Variants in A4GALT observed in about 807,000 individuals in gnomAD.
The protein encoded by A4GALT is lactosylceramide 4-alpha-galactosyltransferase.
For synonymous variants in A4GALT, 257 were observed against 220.7 expected, an observed-to-expected ratio of 1.16 and a Z score of -1.46; for missense variants, 512 against 486.0, an observed-to-expected ratio of 1.05 and a Z score of -0.50.
In A4GALT at chr22:42,692,979, G is replaced by A. The variant is rs767523802; in HGVS notation, c.973C>T (p.Arg325Trp). The A allele has an allele frequency of 1.2e-5, 20 of 1,613,210 alleles. No homozygotes were observed. Among genetic ancestry groups the A allele is most frequent in the Admixed American group, 3.3e-5 (2 of 60,016 alleles). Residue 325 changes from arginine (R) to tryptophan (W), a missense_variant, in exon 3 of 3, where the codon CGG becomes TGG. Transcript: ENST00000642412. This position sits in a 1 kb window ranked among gnomAD's most constrained non-coding sequence, Gnocchi z 4.6. ...HVWNKKSQGT[R>W]FEATSRALLA... ...AGTGCCCTGGACGTGGCCTCGAACC[G>A]CGTGCCCTGGCTCTTCTTGTTCCAC...
chr22:42,718,950 C>G (rs1191930553), intron 1 of A4GALT, among the ~76,000 whole-genome samples: 1 of 152,214 alleles, frequency 6.6e-6, no homozygotes, highest in Non-Finnish European at 1.5e-5. Context: ...CCGGGACCTG[C>G]ATCCCCAGCT....
rs765857980 is a variant in A4GALT at position 42,692,784 on chromosome 22, G to C, written c.*106C>G. 9 of 1,365,112 alleles carry C rather than the reference G, an allele frequency of 6.6e-6. No individual in the cohort carries two copies. The South Asian group carries it at 1.1e-4, about 17-fold the overall frequency. The allele number at this position is 1,365,112 out of a possible 1,614,324, so 84.6% of individuals were successfully genotyped here. On this transcript the variant is annotated 3_prime_UTR_variant, in exon 3 of 3. Coordinates refer to ENST00000642412, the MANE Select transcript of A4GALT (RefSeq NM_017436.7). This position sits in a 1 kb window ranked among gnomAD's most constrained non-coding sequence, Gnocchi z 4.6. The stretch of plus-strand genomic sequence containing the variant: ...CTCCTCAACAGCCTGCCTAAGCCCG[G>C]TGGCAGCTCGGGCCTCCCTCTCCCG...
At chr22:42,714,891 G>GA (rs1922031008) in intron 1 of A4GALT, among the ~76,000 whole-genome samples, 1 of 152,156 alleles carries the variant, frequency 6.6e-6, no homozygotes, top group Non-Finnish European at 1.5e-5. Flanking sequence ...GTGCTGCTCT[G>GA]AAAAGGGGAC....
At chr22:42,721,245 C>A (rs1922708548), upstream of A4GALT, 1 of 152,188 alleles carries the variant, frequency 6.6e-6, no homozygotes, top group Non-Finnish European at 1.5e-5. Flanking sequence ...CTGCCGGGAC[C>A]GTGCTAAGGG....
At chr22:42,698,943 C>CG (rs1446768368) in intron 1 of A4GALT, among the ~76,000 whole-genome samples, 1 of 118,566 alleles carries the variant, frequency 8.4e-6, no homozygotes, top group Non-Finnish European at 1.9e-5. Context: ...GCCATCGCAA[C>CG]GTCAGGAAGT....
intron 1 of A4GALT, among the ~76,000 whole-genome samples, chr22:42,719,911 G>T (rs1184872527): frequency 6.6e-6 from 1 of 152,180 alleles, no homozygotes; most frequent in Non-Finnish European, 1.5e-5. Flanking sequence ...GTGAGGGAAA[G>T]GTGGGTGCAG....
rs750440854 is a variant in A4GALT at position 42,693,588 on chromosome 22, C to T, written c.364G>A (p.Ala122Thr). Residue 122 changes from alanine to threonine, a missense_variant, in exon 3 of 3, where the codon GCC (alanine) becomes ACC (threonine). Coordinates refer to ENST00000642412, the MANE Select transcript of A4GALT (RefSeq NM_017436.7). The part of the protein sequence containing the change: ...VLMKGLPGGN[A>T]SLPRHLGISL... ...ATGCCCAGGTGCCGGGGCAGAGAGG[C>T]GTTGCCACCCGGAAGCCCTTTCATC... 6 of 1,613,614 alleles carry T rather than the reference C, an allele frequency of 3.7e-6. No homozygotes were observed. The African/African-American group carries it at 4.0e-5, about 11-fold the overall frequency.
At chr22:42,700,693 G>A (rs1340817578) in intron 1 of A4GALT, among the ~76,000 whole-genome samples, 1 of 152,190 alleles carries the variant, frequency 6.6e-6, no homozygotes, top group African/African-American at 2.4e-5. Context: ...GTCAGGCCAT[G>A]CTCCTCCTCG....
intron 1 of A4GALT, among the ~76,000 whole-genome samples, chr22:42,702,295 T>C (rs1031173574): frequency 7.0e-6 from 1 of 143,370 alleles, no homozygotes; most frequent in Non-Finnish European, 1.5e-5. Flanking sequence ...AGGACTTGTG[T>C]CCCCCCCCGG....
Position 42,693,625 on chromosome 22 carries a change from G to A in A4GALT, c.327C>T (p.His109=), listed in dbSNP as rs756287846. ...ESAARTHPES[H]VLVLMKGLPG... Reference sequence around the variant, plus strand: ...GAAGCCCTTTCATCAGGACCAGCACGTGGGATTCGGGGTGAGTTCTGGCGG... The same window carrying A: ...GAAGCCCTTTCATCAGGACCAGCACATGGGATTCGGGGTGAGTTCTGGCGG... Residue 109 remains histidine, a synonymous_variant, in exon 3 of 3, where the codon CAC becomes CAT. Transcript: ENST00000642412. The A allele has an allele frequency of 3.6e-5, 58 of 1,613,742 alleles. No homozygotes were observed. Among genetic ancestry groups the A allele is most frequent in the Middle Eastern group, 1.7e-4 (1 of 6,060 alleles).
upstream of A4GALT, chr22:42,721,031 G>C (rs9607929): frequency 0.36 from 54,602 of 151,498 alleles, 10,308 homozygotes; most frequent in East Asian, 0.68. Context: ...CCCGGGGCGG[G>C]TGCGGACAGT....
At chr22:42,717,222 T>G (rs1040847528) in intron 1 of A4GALT, among the ~76,000 whole-genome samples, 10 of 152,184 alleles carry the variant, frequency 6.6e-5, no homozygotes, top group African/African-American at 2.2e-4. Flanking sequence ...GAGCTGCCAC[T>G]TCCTGATAGC....
At chr22:42,711,969 C>A (rs769612167) in intron 1 of A4GALT, among the ~76,000 whole-genome samples, 1 of 152,120 alleles carries the variant, frequency 6.6e-6, no homozygotes, top group Non-Finnish European at 1.5e-5. Flanking sequence ...ACCAGTCCTG[C>A]CCACAAAGCC....
At chr22:42,695,689 C>T (rs1431992951) in intron 1 of A4GALT, 58 bp from the exon 2 acceptor site, 2 of 152,234 alleles carry the variant, frequency 1.3e-5, no homozygotes, top group Non-Finnish European at 2.9e-5. Context: ...AGGCCTCGTC[C>T]CCCTGGCCAC....
intron 1 of A4GALT, among the ~76,000 whole-genome samples, chr22:42,702,444 C>T (rs1372099348): frequency 2.6e-5 from 4 of 151,698 alleles, no homozygotes; most frequent in Non-Finnish European, 4.4e-5. Flanking sequence ...CGGGTTCAAG[C>T]GATTCTCTTG....
At position 42,692,201 on chromosome 22, in the gene A4GALT, G is replaced by T; in HGVS notation, c.*689C>A. 1 of 178,404 alleles carries T rather than the reference G, an allele frequency of 5.6e-6. No homozygotes were observed. Among genetic ancestry groups the T allele is most frequent in the South Asian group, 1.3e-4 (1 of 7,974 alleles). 11.1% of individuals were successfully genotyped at this position (178,404 alleles called of 1,614,324 possible). ...GGCAGGGTGGGGGTTTCTTTAAAAT[G>T]CTTCTCCTGAGCCTAAAGAGCCTCC... On this transcript the variant is annotated 3_prime_UTR_variant, in exon 3 of 3. Coordinates refer to ENST00000642412, the MANE Select transcript of A4GALT (RefSeq NM_017436.7). This position sits in a 1 kb window ranked among gnomAD's most constrained non-coding sequence, Gnocchi z 4.6.
At chr22:42,719,070 A>G (rs1380589475) in intron 1 of A4GALT, among the ~76,000 whole-genome samples, 1 of 152,160 alleles carries the variant, frequency 6.6e-6, no homozygotes, top group Non-Finnish European at 1.5e-5. Flanking sequence ...TTCCACACAA[A>G]CCACCTGGAG....
At chr22:42,702,752 C>T (rs1034623181) in intron 1 of A4GALT, among the ~76,000 whole-genome samples, 4 of 126,858 alleles carry the variant, frequency 3.2e-5, no homozygotes, top group Admixed American at 1.4e-4. Context: ...ACAAAGGGTC[C>T]GGAGCCTTCG....
At chr22:42,696,357 T>C (rs1472277048) in intron 1 of A4GALT, among the ~76,000 whole-genome samples, 16 of 148,880 alleles carry the variant, frequency 1.1e-4, no homozygotes, top group Admixed American at 1.1e-3. Context: ...GAGGCGGAGG[T>C]TGCAGTGCGC....
Sources: allele counts gnomAD v4.1 joint callset (sites outside exome capture counted in the v4.1 genomes callset), GRCh38; gene constraint gnomAD v4.1.1; non-coding constraint Gnocchi (gnomAD v3.1); transcripts MANE v1.5; gene names NCBI Gene and HGNC (gene_info 2026-07-23, HGNC 2026-07-21).